Variants in PTPRM observed in about 807,000 individuals in gnomAD.
PTPRM encodes protein tyrosine phosphatase receptor type M, also known as receptor-type tyrosine-protein phosphatase mu.
A neutral mutation model predicts 186.7 loss-of-function variants in PTPRM; 47 were observed. That is an observed-to-expected ratio of 0.25 (90% CI 0.20 to 0.32). The LOEUF (loss-of-function observed/expected upper bound fraction) is 0.32. Among genes scored for constraint, PTPRM ranks in the 10% least tolerant of loss-of-function variants. The pLI is 1.00. For synonymous variants in PTPRM, 668 were observed against 674.9 expected (o/e 0.99, Z 0.16); for missense variants, 1,494 against 1,865.0 (o/e 0.80, Z 3.66).
chr18:8,308,244 CAG>C (rs2095241566), intron 20 of PTPRM, among the ~76,000 whole-genome samples: 1 of 152,178 alleles, frequency 6.6e-6, no homozygotes, highest in South Asian at 2.1e-4. Context: ...GTAGGCCAAA[CAG>C]AGAAGCAAAG....
intron 23 of PTPRM, among the ~76,000 whole-genome samples, chr18:8,352,323 G>A (rs551676816): frequency 6.6e-6 from 1 of 152,276 alleles, no homozygotes; most frequent in South Asian, 2.1e-4. Context: ...GGGGGCACAT[G>A]GGCAGGTTTG....
At chr18:7,936,440 G>T (rs984754437) in intron 5 of PTPRM, among the ~76,000 whole-genome samples, 11 of 152,210 alleles carry the variant, frequency 7.2e-5, no homozygotes, top group African/African-American at 2.4e-4. Context: ...CTAAACCCAG[G>T]TGCTGTCGCA....
chr18:8,194,854 G>A (rs982706360), intron 14 of PTPRM, among the ~76,000 whole-genome samples: 1 of 152,184 alleles, frequency 6.6e-6, no homozygotes, highest in Non-Finnish European at 1.5e-5. Flanking sequence ...CCAAGACTTG[G>A]TGGTTATCTC....
chr18:7,844,329 G>C (rs918551861), intron 2 of PTPRM, among the ~76,000 whole-genome samples: 3 of 152,114 alleles, frequency 2.0e-5, no homozygotes, highest in African/African-American at 7.2e-5. Flanking sequence ...TATCCTCATT[G>C]GGATGTCAGA....
intron 2 of PTPRM, among the ~76,000 whole-genome samples, chr18:7,820,394 G>T (rs186558019): frequency 9.9e-5 from 15 of 152,256 alleles, no homozygotes; most frequent in Non-Finnish European, 2.2e-4. Context: ...TGAATAAAAG[G>T]TCATTATCCT....
At chr18:8,387,749 C>T (rs79440075) in intron 31 of PTPRM, among the ~76,000 whole-genome samples, 16 of 91,082 alleles carry the variant, frequency 1.8e-4, no homozygotes, top group East Asian at 3.5e-4. Flanking sequence ...TGTGTGTGTG[C>T]GTGTGTGCGT....
chr18:8,380,091 T>G (rs2095723015), intron 28 of PTPRM, among the ~76,000 whole-genome samples: 1 of 152,256 alleles, frequency 6.6e-6, no homozygotes, highest in Admixed American at 6.5e-5. Context: ...GTTTTCTTGG[T>G]ATCAAAGTAA....
At chr18:7,766,441 C>T (rs549615298) in intron 1 of PTPRM, among the ~76,000 whole-genome samples, 93 of 152,324 alleles carry the variant, frequency 6.1e-4, no homozygotes, top group African/African-American at 2.2e-3. Context: ...GGAGGAGACT[C>T]TTTCATTGCT....
At chr18:8,390,041 G>A (rs1021146111) in intron 31 of PTPRM, among the ~76,000 whole-genome samples, 3 of 152,348 alleles carry the variant, frequency 2.0e-5, no homozygotes, top group Middle Eastern at 6.8e-3. Context: ...TTAGACAGTG[G>A]TCTTCAACAG....
intron 7 of PTPRM, among the ~76,000 whole-genome samples, chr18:7,960,489 A>ACT (rs2053606480): frequency 1.3e-5 from 2 of 150,258 alleles, no homozygotes; most frequent in Admixed American, 6.7e-5. Flanking sequence ...ATACACACAC[A>ACT]CACACACACA....
At chr18:8,128,963 C>T (rs2145914028) in intron 13 of PTPRM, among the ~76,000 whole-genome samples, 1 of 152,220 alleles carries the variant, frequency 6.6e-6, no homozygotes, top group Middle Eastern at 3.4e-3. Context: ...ATAGAGCTTT[C>T]TGGCTTGAAT....
chr18:8,100,157 G>A (rs2091224936), intron 11 of PTPRM, among the ~76,000 whole-genome samples: 1 of 151,850 alleles, frequency 6.6e-6, no homozygotes, highest in East Asian at 1.9e-4. Context: ...TGTATGTGTG[G>A]AAACGGAGTC....
chr18:7,957,173 C>CT (rs79379767), intron 7 of PTPRM, among the ~76,000 whole-genome samples: 1,435 of 136,598 alleles, frequency 0.011, 11 homozygotes, highest in African/African-American at 0.028. Flanking sequence ...CAGTCCTGTT[C>CT]TTTTTTTTTT....
intron 2 of PTPRM, among the ~76,000 whole-genome samples, chr18:7,801,065 C>T (rs1568149399): frequency 6.6e-6 from 1 of 152,128 alleles, no homozygotes; most frequent in Non-Finnish European, 1.5e-5. Flanking sequence ...CTTGACACTA[C>T]TGTGGATTTT....
chr18:8,318,435 T>C (rs1377507611), intron 21 of PTPRM, among the ~76,000 whole-genome samples: 1 of 151,818 alleles, frequency 6.6e-6, no homozygotes, highest in African/African-American at 2.4e-5. Flanking sequence ...TAGGTGGGAC[T>C]ACAGGTGCAT....
chr18:8,269,108 G>A (rs575761854), intron 19 of PTPRM, among the ~76,000 whole-genome samples: 74 of 152,056 alleles, frequency 4.9e-4, no homozygotes, highest in African/African-American at 1.8e-3. Context: ...AAATTGGAAA[G>A]GAAGAAGCAA....
chr18:8,272,696 A>G (rs992394869), intron 19 of PTPRM, among the ~76,000 whole-genome samples: 3 of 152,148 alleles, frequency 2.0e-5, no homozygotes, highest in African/African-American at 7.2e-5. Flanking sequence ...TGTGAACATT[A>G]GTTAGAGCCT....
In PTPRM at chr18:7,926,707, T is replaced by C. The variant is rs766526097; in HGVS notation, c.663+24T>C. 9 of 1,553,872 alleles carry C rather than the reference T, an allele frequency of 5.8e-6. No individual in the cohort carries two copies. In the East Asian group the frequency reaches 1.6e-4, roughly 27 times the overall value. Reference sequence around the variant, plus strand: ...AGGTACAGTAACTCATTTTCATCAGTTGATGAGAGTCCAGCGGGAAGAATA... The same window carrying C: ...AGGTACAGTAACTCATTTTCATCAGCTGATGAGAGTCCAGCGGGAAGAATA... On this transcript the variant is annotated intron_variant, in intron 5 of 32. Transcript: ENST00000580170.
chr18:8,064,836 A>G (rs1009189831), intron 7 of PTPRM, among the ~76,000 whole-genome samples: 4 of 152,204 alleles, frequency 2.6e-5, no homozygotes, highest in Non-Finnish European at 5.9e-5. Flanking sequence ...CCACTATAAT[A>G]TTAGTTACTC....
Sources: gnomAD v4.1 joint callset for allele counts (sites outside exome capture counted in the v4.1 genomes callset) on GRCh38, gnomAD v4.1.1 for gene constraint, MANE v1.5 for transcripts, NCBI Gene and HGNC (gene_info 2026-07-23, HGNC 2026-07-21) for gene names.